The following NUBPL variants were observed in gnomAD, a reference collection of about 807,000 sequenced individuals.
The protein encoded by NUBPL is NUBP iron-sulfur cluster assembly factor, mitochondrial.
Under a neutral mutation model 45.7 loss-of-function variants are expected in NUBPL, and 31 were observed. The ratio of observed to expected loss-of-function variants is 0.68; its 90% CI spans 0.51 to 0.92. The LOEUF (loss-of-function observed/expected upper bound fraction) is 0.92. Ranked by LOEUF, NUBPL falls within the 40% of genes least tolerant of loss-of-function variation. The probability of loss-of-function intolerance (pLI) is 0.00; values close to 1 mark genes in which losing one functional copy is unlikely to be tolerated. For synonymous variants in NUBPL, 144 were observed against 140.9 expected (o/e 1.02, Z -0.15); for missense variants, 401 against 398.7 (o/e 1.01, Z -0.05).
chr14:31,663,955 C>G (rs562963362), intron 4 of NUBPL, among the ~76,000 whole-genome samples: 1 of 152,152 alleles, frequency 6.6e-6, no homozygotes, highest in Non-Finnish European at 1.5e-5. Flanking sequence ...TCCTTCACGT[C>G]CCTTGTAAGT....
intron 4 of NUBPL, among the ~76,000 whole-genome samples, chr14:31,600,623 G>A (rs373429176): frequency 2.6e-5 from 4 of 152,242 alleles, no homozygotes; most frequent in African/African-American, 7.2e-5. Flanking sequence ...TAGTGATTCA[G>A]AAAGCAGACA....
chr14:31,621,038 G>C (rs1355778353), intron 4 of NUBPL, among the ~76,000 whole-genome samples: 1 of 152,196 alleles, frequency 6.6e-6, no homozygotes, highest in East Asian at 1.9e-4. Context: ...GAGCTGCGGT[G>C]GGCTCCACCC....
intron 4 of NUBPL, among the ~76,000 whole-genome samples, chr14:31,663,094 T>C (rs2036314544): frequency 6.6e-6 from 1 of 152,234 alleles, no homozygotes; most frequent in Non-Finnish European, 1.5e-5. Flanking sequence ...GGGTTGTTTT[T>C]TTCTTGTAAA....
chr14:31,641,199 C>A (rs1456781296), intron 4 of NUBPL, among the ~76,000 whole-genome samples: 1 of 152,166 alleles, frequency 6.6e-6, no homozygotes, highest in Non-Finnish European at 1.5e-5. Context: ...ATCCTCCTGC[C>A]TCACCCTCCC....
intron 6 of NUBPL, among the ~76,000 whole-genome samples, chr14:31,744,868 C>T (rs2038362285): frequency 6.6e-6 from 1 of 151,842 alleles, no homozygotes; most frequent in Non-Finnish European, 1.5e-5. Flanking sequence ...GTTCCATCCA[C>T]CTCAGCCTCC....
At chr14:31,644,012 A>AT (rs1273713264) in intron 4 of NUBPL, among the ~76,000 whole-genome samples, 4 of 151,282 alleles carry the variant, frequency 2.6e-5, no homozygotes, top group Admixed American at 6.6e-5. Context: ...TTCTGATTTT[A>AT]TTTTTTTTGG....
intron 3 of NUBPL, among the ~76,000 whole-genome samples, chr14:31,571,386 G>A (rs1442418963): frequency 6.6e-6 from 1 of 150,650 alleles, no homozygotes; most frequent in Admixed American, 6.6e-5. Context: ...GGCACTGTGT[G>A]AGCTAGCCTT....
At chr14:31,851,313 T>G (rs1478579198) in intron 10 of NUBPL, among the ~76,000 whole-genome samples, 1 of 152,042 alleles carries the variant, frequency 6.6e-6, no homozygotes, top group Non-Finnish European at 1.5e-5. Context: ...ATAACTGCTG[T>G]TCTTTATATT....
chr14:31,616,561 T>C (rs969133247), intron 4 of NUBPL, among the ~76,000 whole-genome samples: 2 of 152,172 alleles, frequency 1.3e-5, no homozygotes, highest in Non-Finnish European at 2.9e-5. Context: ...TTGTCAGGTT[T>C]GTCAAAGATC....
chr14:31,615,910 G>A (rs1233138630), intron 4 of NUBPL, among the ~76,000 whole-genome samples: 1 of 152,054 alleles, frequency 6.6e-6, no homozygotes, highest in South Asian at 2.1e-4. Flanking sequence ...TACACTCCTA[G>A]CAACAGTGTA....
intron 4 of NUBPL, among the ~76,000 whole-genome samples, chr14:31,612,490 A>C (rs1479050975): frequency 6.6e-6 from 1 of 152,112 alleles, no homozygotes; most frequent in Non-Finnish European, 1.5e-5. Context: ...GTGAAACCCC[A>C]TCTCTACTAA....
At chr14:31,691,265 T>G (rs1028411811) in intron 6 of NUBPL, among the ~76,000 whole-genome samples, 6 of 152,230 alleles carry the variant, frequency 3.9e-5, no homozygotes, top group African/African-American at 1.4e-4. Flanking sequence ...TTCCACTTAA[T>G]GAATAGTAAA....
intron 4 of NUBPL, among the ~76,000 whole-genome samples, chr14:31,619,291 G>A (rs1314231850): frequency 6.6e-6 from 1 of 152,098 alleles, no homozygotes; most frequent in Non-Finnish European, 1.5e-5. Context: ...TACATTTAAG[G>A]TTAATATTGT....
chr14:31,607,139 G>T (rs888758314), intron 4 of NUBPL, among the ~76,000 whole-genome samples: 1 of 152,130 alleles, frequency 6.6e-6, no homozygotes, highest in Admixed American at 6.5e-5. Flanking sequence ...CTAGCACTTC[G>T]TGAGGCCGAG....
intron 10 of NUBPL, 139 bp from the exon 11 acceptor site, chr14:31,858,979 A>G (rs1191656181): frequency 1.4e-6 from 1 of 717,656 alleles, no homozygotes. Flanking sequence ...ATACAGCACT[A>G]TCTTCTCAAT....
intron 8 of NUBPL, chr14:31,843,654 T>A (rs1293049727): frequency 6.6e-6 from 1 of 152,224 alleles, no homozygotes; most frequent in African/African-American, 2.4e-5. Context: ...GGCCTCAGAC[T>A]GGCCTTTCAG....
chr14:31,746,963 G>C (rs28788619), intron 6 of NUBPL, among the ~76,000 whole-genome samples: 1 of 151,056 alleles, frequency 6.6e-6, no homozygotes, highest in African/African-American at 2.4e-5. Flanking sequence ...CCAGCTACTT[G>C]AGGGGCTGAG....
chr14:31,570,192 G>C (rs1215694848), intron 3 of NUBPL, among the ~76,000 whole-genome samples: 1 of 152,040 alleles, frequency 6.6e-6, no homozygotes, highest in Non-Finnish European at 1.5e-5. Flanking sequence ...ATATAAATAT[G>C]TTGTATATTT....
chr14:31,596,645 G>A (rs2034291972), intron 3 of NUBPL, among the ~76,000 whole-genome samples: 1 of 152,188 alleles, frequency 6.6e-6, no homozygotes, highest in South Asian at 2.1e-4. Context: ...TTAAGAATAA[G>A]TGTGCTCTGT....
Sources: allele counts gnomAD v4.1 joint callset (sites outside exome capture counted in the v4.1 genomes callset), GRCh38; gene constraint gnomAD v4.1.1; transcripts MANE v1.5; gene names NCBI Gene and HGNC (gene_info 2026-07-23, HGNC 2026-07-21).